The following ATXN10 variants were observed in gnomAD, a reference collection of about 807,000 sequenced individuals.
ATXN10 encodes ataxin-10.
ATXN10 carries 28 observed loss-of-function variants against 52.9 expected under a neutral mutation model. That is an observed-to-expected ratio of 0.53 (90% confidence interval 0.39 to 0.73). ATXN10 has a LOEUF of 0.73. ATXN10 is among the 30% of genes least tolerant of loss of function. ATXN10 has a pLI of 0.00. For missense variants in ATXN10, 565 were observed against 577.0 expected, an observed-to-expected ratio of 0.98 and a Z score of 0.21; for synonymous variants, 226 against 221.5, an observed-to-expected ratio of 1.02 and a Z score of -0.18.
rs771368231 is a variant in ATXN10 at position 45,732,304 on chromosome 22, A to G, written c.894+2714A>G. 6.6e-6 allele frequency among the ~76,000 whole-genome samples: 1 copy of G among 151,854 alleles called. No individual in the cohort carries two copies. On this transcript the variant is annotated intron_variant, in intron 7 of 11. Transcript: ENST00000252934. The surrounding 1 kb of genome is among the most constrained non-coding windows in gnomAD (Gnocchi z 4.5). ...CTCCATCTGTACAAAAAAAAAACAC[A>G]AAGAATTAGCTGGGTGTGGTGGTGT...
chr22:45,810,277 C>T (rs1056944007), intron 10 of ATXN10, among the ~76,000 whole-genome samples: 3 of 152,164 alleles, frequency 2.0e-5, no homozygotes, highest in African/African-American at 4.8e-5. Context: ...TTTTGTCTAT[C>T]CCTGCATCAG....
intron 10 of ATXN10, among the ~76,000 whole-genome samples, chr22:45,839,225 C>T (rs763010): frequency 0.41 from 62,352 of 152,104 alleles, 12,890 homozygotes; most frequent in East Asian, 0.55. Context: ...TGTCAGCCTT[C>T]CACACTTCCT....
rs201695719 is a variant in ATXN10 at position 45,775,850 on chromosome 22, TC to T, written c.1174-31108del. Among the ~76,000 whole-genome samples the T allele has an allele frequency of 0.017, 2,563 of 152,240 alleles. 78 individuals are homozygous for T. The highest frequency in any genetic ancestry group is 0.059 in the African/African-American group (2,452 of 41,540). ...CTAACCTGATAGATCATTCCGCCCC[TC>T]ACAGCCAGCCGGGAGGTAACATTAA... On this transcript the variant is annotated intron_variant, in intron 9 of 11. Coordinates refer to ENST00000252934, the MANE Select transcript of ATXN10 (RefSeq NM_013236.4). This position sits in a 1 kb window ranked among gnomAD's most constrained non-coding sequence, Gnocchi z 4.7.
chr22:45,716,685 G>A (rs962746284), intron 5 of ATXN10, among the ~76,000 whole-genome samples: 4 of 152,036 alleles, frequency 2.6e-5, no homozygotes, highest in African/African-American at 9.7e-5. Context: ...GTGACCCACA[G>A]TTCTACTTTG....
chr22:45,806,641 A>G (rs983542133), intron 9 of ATXN10, among the ~76,000 whole-genome samples: 7 of 152,096 alleles, frequency 4.6e-5, no homozygotes, highest in Non-Finnish European at 1.0e-4. Context: ...TTTCTTTATT[A>G]TTTAAGTTTA....
In ATXN10 at chr22:45,843,673, TG is replaced by T; in HGVS notation, c.*3del. 3 of 1,612,204 alleles carry T rather than the reference TG, an allele frequency of 1.9e-6. No homozygotes were observed. The highest frequency in any genetic ancestry group is 2.5e-6 in the Non-Finnish European group (3 of 1,178,762). On this transcript the variant is annotated 3_prime_UTR_variant, in exon 12 of 12. Transcript: ENST00000252934. This position sits in a 1 kb window ranked among gnomAD's most constrained non-coding sequence, Gnocchi z 4.5. ...TGTTTCTTTCTTCTTCTTTAGTGAA[TG>T]AACTACATCCAAATACCTGAATTTT...
At chr22:45,798,536 A>G (rs767128304) in intron 9 of ATXN10, among the ~76,000 whole-genome samples, 1 of 152,194 alleles carries the variant, frequency 6.6e-6, no homozygotes, top group Non-Finnish European at 1.5e-5. Context: ...CATCCTGAAA[A>G]AGGCATCTAT....
At position 45,733,535 on chromosome 22, in the gene ATXN10, G is replaced by C. The variant is rs1601612555; in HGVS notation, c.894+3945G>C. Among the ~76,000 whole-genome samples the C allele has an allele frequency of 1.3e-5, 2 of 152,212 alleles. No homozygotes were observed. The highest frequency in any genetic ancestry group is 4.8e-5 in the African/African-American group (2 of 41,544). ...AGATTGCCTGAGGTCAGGAGTTTGA[G>C]ACCAGCCTGACTAACATGGTGAGAC... On this transcript the variant is annotated intron_variant, in intron 7 of 11. Transcript: ENST00000252934. This position sits in a 1 kb window ranked among gnomAD's most constrained non-coding sequence, Gnocchi z 4.4.
rs1054257943 is a variant in ATXN10 at position 45,818,115 on chromosome 22, G to A, written c.1237+11093G>A. ...GAGACTGTACAAGTAAATATTCCAA[G>A]TTGTGCTCCTTCAGGTTTTGTCTAC... On this transcript the variant is annotated intron_variant, in intron 10 of 11. Transcript: ENST00000252934. This position sits in a 1 kb window ranked among gnomAD's most constrained non-coding sequence, Gnocchi z 4.6. Among the ~76,000 whole-genome samples, 4 of 152,214 alleles carry A rather than the reference G, an allele frequency of 2.6e-5. No individual in the cohort carries two copies. The highest frequency in any genetic ancestry group is 4.4e-5 in the Non-Finnish European group (3 of 68,040).
At chr22:45,729,404 G>T (rs200043904) in intron 6 of ATXN10, 21 bp from the exon 7 acceptor site, 1 of 1,613,062 alleles carries the variant, frequency 6.2e-7, no homozygotes, top group East Asian at 2.2e-5. Context: ...GATTCATGCA[G>T]AAATCCTTTA....
intron 9 of ATXN10, among the ~76,000 whole-genome samples, chr22:45,758,660 G>A (rs1926263630): frequency 6.6e-6 from 1 of 152,210 alleles, no homozygotes. Context: ...TAAACACACT[G>A]GCCATGTGTT....
rs1379602251 is a variant in ATXN10, at chr22:45,728,433, G to A, written c.729-992G>A. ...CTAAGGTCTGTAGGTGATTTTTCCA[G>A]ACTGATGATATTTCCCATCATTTGG... is the stretch of plus-strand genomic sequence containing the variant. On this transcript the variant is annotated intron_variant, in intron 6 of 11. Transcript: ENST00000252934. The surrounding 1 kb of genome is among the most constrained non-coding windows in gnomAD (Gnocchi z 4.3). 6.6e-6 allele frequency among the ~76,000 whole-genome samples: 1 copy of A among 152,156 alleles called. No individual in the cohort carries two copies. Among genetic ancestry groups the A allele is most frequent in the Non-Finnish European group, 1.5e-5 (1 of 68,022 alleles).
intron 10 of ATXN10, among the ~76,000 whole-genome samples, chr22:45,808,485 C>T (rs1167996647): frequency 6.6e-6 from 1 of 152,208 alleles, no homozygotes; most frequent in Non-Finnish European, 1.5e-5. Flanking sequence ...CAGCACCTTC[C>T]ACCTTGGTGT....
At chr22:45,717,950 G>T (rs764076301) in intron 5 of ATXN10, among the ~76,000 whole-genome samples, 2 of 152,128 alleles carry the variant, frequency 1.3e-5, no homozygotes, top group African/African-American at 4.8e-5. Context: ...TGACAATGAG[G>T]ATGTTTTCTT....
intron 4 of ATXN10, among the ~76,000 whole-genome samples, chr22:45,702,479 A>G (rs1569028768): frequency 6.6e-6 from 1 of 152,178 alleles, no homozygotes; most frequent in Admixed American, 6.5e-5. Context: ...TTCTATGTCA[A>G]CTTCAACTTT....
intron 9 of ATXN10, among the ~76,000 whole-genome samples, chr22:45,746,150 A>G (rs1261538175): frequency 1.3e-5 from 2 of 151,968 alleles, no homozygotes; most frequent in Non-Finnish European, 2.9e-5. Flanking sequence ...GTAGATCTGA[A>G]TGCGGTTTTT....
intron 10 of ATXN10, among the ~76,000 whole-genome samples, chr22:45,809,309 C>T (rs11704875): frequency 0.11 from 16,790 of 152,188 alleles, 1,025 homozygotes; most frequent in Middle Eastern, 0.16. Context: ...TTCACTCTTT[C>T]CCCCCCTTTC....
rs1927227710 is a variant in ATXN10, at chr22:45,783,683, GA to G, written c.1174-23275del. On this transcript the variant is annotated intron_variant, in intron 9 of 11. Transcript: ENST00000252934. This position sits in a 1 kb window ranked among gnomAD's most constrained non-coding sequence, Gnocchi z 5.0. ...ATTGGTAAGAGCAGTACCTGTTTCT[GA>G]TTTACCTTTTAGTCCCCAATACAAG... 6.6e-6 allele frequency among the ~76,000 whole-genome samples: 1 copy of G among 152,146 alleles called. No individual in the cohort carries two copies. The highest frequency in any genetic ancestry group is 2.4e-5 in the African/African-American group (1 of 41,424).
intron 5 of ATXN10, among the ~76,000 whole-genome samples, chr22:45,713,704 T>C (rs1395375005): frequency 3.3e-5 from 5 of 152,202 alleles, no homozygotes; most frequent in Non-Finnish European, 5.9e-5. Context: ...AAATGCATAG[T>C]TTACCCCCAG....
Sources: allele counts gnomAD v4.1 joint callset (sites outside exome capture counted in the v4.1 genomes callset), GRCh38; gene constraint gnomAD v4.1.1; non-coding constraint Gnocchi (gnomAD v3.1); transcripts MANE v1.5; gene names NCBI Gene and HGNC (gene_info 2026-07-23, HGNC 2026-07-21).